The following ELAVL4 variants were observed in gnomAD, a reference collection of about 807,000 sequenced individuals.
ELAVL4 encodes ELAV-like protein 4.
Under a neutral mutation model 35.6 loss-of-function variants are expected in ELAVL4, and 1 was observed. The observed-to-expected ratio is 0.03, with a 90% CI of 0.01 to 0.13. ELAVL4 has a LOEUF of 0.13. ELAVL4 is among the 10% of genes least tolerant of loss of function. The pLI is 1.00. For missense variants in ELAVL4, 267 were observed against 464.9 expected (o/e 0.57, Z 3.91); for synonymous variants, 156 against 171.0 (o/e 0.91, Z 0.69).
chr1:50,180,524 C>T (rs182704090), intron 3 of ELAVL4: 393 of 152,304 alleles, frequency 2.6e-3, no homozygotes, highest in Non-Finnish European at 4.3e-3. Flanking sequence ...TGAATACTGA[C>T]AGCATTCAGA....
chr1:50,175,417 C>G (rs1378646967), intron 2 of ELAVL4: 1 of 152,104 alleles, frequency 6.6e-6, no homozygotes, highest in Non-Finnish European at 1.5e-5. Flanking sequence ...CACACACACA[C>G]ACACACGCCA....
Position 50,131,599 on chromosome 1 carries a change from C to A in ELAVL4, c.10-13358C>A, listed in dbSNP as rs562949372. 2.7e-4 allele frequency among the ~76,000 whole-genome samples: 41 copies of A among 151,998 alleles called. 1 individual carries two copies. The East Asian group carries it at 2.9e-3, about 11-fold the overall frequency. On this transcript the variant is annotated intron_variant, in intron 1 of 6. Transcript: ENST00000371824. ...GGTCAAGACATTGAGACCATCCTAG[C>A]CAACATGGTGAAAACCTGTCTCTAC...
intron 1 of ELAVL4, among the ~76,000 whole-genome samples, chr1:50,116,369 C>G (rs1292362579): frequency 6.6e-6 from 1 of 151,242 alleles, no homozygotes. Flanking sequence ...ATCATAGTTA[C>G]TTTGTCATAT....
At chr1:50,063,254 A>C (rs1664091271) in intron 1 of ELAVL4, among the ~76,000 whole-genome samples, 1 of 152,188 alleles carries the variant, frequency 6.6e-6, no homozygotes, top group Non-Finnish European at 1.5e-5. Context: ...GTAATTGAGT[A>C]AACGCTTCAT....
chr1:50,176,780 C>G (rs1387807508), intron 2 of ELAVL4, among the ~76,000 whole-genome samples: 1 of 152,214 alleles, frequency 6.6e-6, no homozygotes, highest in Non-Finnish European at 1.5e-5. Context: ...GCTACCATGT[C>G]CTGCCTCTTC....
At chr1:50,129,714 G>A (rs1302908663) in intron 1 of ELAVL4, among the ~76,000 whole-genome samples, 1 of 152,104 alleles carries the variant, frequency 6.6e-6, no homozygotes, top group African/African-American at 2.4e-5. Flanking sequence ...TAGGTGATGA[G>A]TAGTAATGTT....
upstream of ELAVL4, chr1:50,104,122 AT>A: frequency 1.9e-6 from 2 of 1,056,358 alleles, no homozygotes; most frequent in Non-Finnish European, 2.9e-6. Context: ...GCTTCATCTT[AT>A]TTTCCTTTGT....
chr1:50,142,052 A>G (rs1672909516), intron 1 of ELAVL4, among the ~76,000 whole-genome samples: 1 of 152,210 alleles, frequency 6.6e-6, no homozygotes, highest in Non-Finnish European at 1.5e-5. Context: ...TGTATTTTAG[A>G]CATTTAATGT....
intron 1 of ELAVL4, among the ~76,000 whole-genome samples, chr1:50,069,828 A>G (rs1195305956): frequency 2.0e-5 from 3 of 152,198 alleles, no homozygotes; most frequent in Admixed American, 6.5e-5. Context: ...CCTGGGTACT[A>G]TATTTCCTTT....
upstream of ELAVL4, among the ~76,000 whole-genome samples, chr1:50,102,186 C>CT (rs1666014953): frequency 6.6e-6 from 1 of 152,052 alleles, no homozygotes; most frequent in Non-Finnish European, 1.5e-5. Context: ...ACTCAGGAGG[C>CT]TGAGGCAGGA....
Position 50,202,796 on chromosome 1 carries a change from T to C in ELAVL4, c.*1618T>C, listed in dbSNP as rs967121326. ...GATATTTAAGTGACAGTTAAAGAGG[T>C]ATCAAGGTAACTTGTGTAGAACTAT... On this transcript the variant is annotated 3_prime_UTR_variant, in exon 7 of 7. Coordinates refer to ENST00000371824, the MANE Select transcript of ELAVL4 (RefSeq NM_001144774.3). 3 of 152,210 alleles carry C rather than the reference T, an allele frequency of 2.0e-5. No homozygotes were observed. The highest frequency in any genetic ancestry group is 7.2e-5 in the African/African-American group (3 of 41,460). The allele number at this position is 152,210 out of a possible 1,614,324, so 9.4% of individuals were successfully genotyped here.
intron 1 of ELAVL4, among the ~76,000 whole-genome samples, chr1:50,116,108 A>G (rs1667897853): frequency 6.6e-6 from 1 of 152,130 alleles, no homozygotes; most frequent in Admixed American, 6.5e-5. Flanking sequence ...ATAAGGTTTC[A>G]TGTGTCCACA....
intron 1 of ELAVL4, among the ~76,000 whole-genome samples, chr1:50,065,313 G>A (rs886904385): frequency 6.6e-6 from 1 of 152,084 alleles, no homozygotes; most frequent in Non-Finnish European, 1.5e-5. Flanking sequence ...AGATTATACC[G>A]GAGAAGACTG....
At position 50,150,266 on chromosome 1, in the gene ELAVL4, G is replaced by A. The variant is rs145860969; in HGVS notation, c.250+5069G>A. ...ATTTCCTAAACACCACTTCTAATCC[G>A]TGTCTTCATTTCTTCCTTTATAATA... On this transcript the variant is annotated intron_variant, in intron 2 of 6. Coordinates refer to ENST00000371824, the MANE Select transcript of ELAVL4 (RefSeq NM_001144774.3). Among the ~76,000 whole-genome samples, 479 of 152,282 alleles carry A rather than the reference G, an allele frequency of 3.1e-3. 5 individuals carry two copies. The highest frequency in any genetic ancestry group is 0.011 in the African/African-American group (457 of 41,556).
intron 1 of ELAVL4, among the ~76,000 whole-genome samples, chr1:50,075,256 A>T (rs1664708133): frequency 6.6e-6 from 1 of 152,212 alleles, no homozygotes; most frequent in Non-Finnish European, 1.5e-5. Context: ...TTTGCATTTT[A>T]TCCGAGGTGC....
intron 1 of ELAVL4, among the ~76,000 whole-genome samples, chr1:50,141,545 T>G (rs1413386491): frequency 1.4e-4 from 21 of 152,162 alleles, no homozygotes; most frequent in Admixed American, 1.3e-3. Flanking sequence ...TTGGCAGAGC[T>G]GAAACCTGCC....
chr1:50,153,758 T>G (rs975568156), intron 2 of ELAVL4, among the ~76,000 whole-genome samples: 2 of 152,190 alleles, frequency 1.3e-5, no homozygotes, highest in Non-Finnish European at 2.9e-5. Flanking sequence ...GTAATAGTTT[T>G]TGGAGATAGG....
At chr1:50,200,018 A>C (rs1352213829) in intron 6 of ELAVL4, among the ~76,000 whole-genome samples, 2 of 152,252 alleles carry the variant, frequency 1.3e-5, no homozygotes, top group African/African-American at 4.8e-5. Flanking sequence ...CAAGATATAT[A>C]AATGCACAAA....
chr1:50,154,034 T>C (rs540860066), intron 2 of ELAVL4, among the ~76,000 whole-genome samples: 1 of 152,344 alleles, frequency 6.6e-6, no homozygotes, highest in East Asian at 1.9e-4. Context: ...TGGTATCTTC[T>C]TATAGTAGCC....
Sources: gnomAD v4.1 joint callset for allele counts (sites outside exome capture counted in the v4.1 genomes callset) on GRCh38, gnomAD v4.1.1 for gene constraint, MANE v1.5 for transcripts, NCBI Gene and HGNC (gene_info 2026-07-23, HGNC 2026-07-21) for gene names.